The following ADCY6 variants were observed in gnomAD, a reference collection of about 807,000 sequenced individuals.
ADCY6 encodes adenylate cyclase type 6.
A neutral mutation model predicts 111.6 loss-of-function variants in ADCY6; 59 were observed. The ratio of observed to expected loss-of-function variants is 0.53; its 90% confidence interval spans 0.43 to 0.66. The LOEUF (loss-of-function observed/expected upper bound fraction) is 0.66, where lower values mean the gene tolerates loss of function less well. ADCY6 is among the 30% of genes least tolerant of loss of function. The probability of loss-of-function intolerance (pLI) is 0.00; values close to 1 mark genes in which losing one functional copy is unlikely to be tolerated. For synonymous variants in ADCY6, 576 were observed against 642.9 expected (o/e 0.90, Z 1.57); for missense variants, 1,242 against 1,595.6 (o/e 0.78, Z 3.78).
In ADCY6 at chr12:48,771,791, C is replaced by T. The variant is rs779684053; in HGVS notation, c.2970G>A (p.Glu990=). 16 of 1,614,108 alleles carry T rather than the reference C, an allele frequency of 9.9e-6. No homozygotes were observed. Among genetic ancestry groups the T allele is most frequent in the Non-Finnish European group, 1.4e-5 (16 of 1,180,052 alleles). ...TGTTTGCCTCCAGCTCCACATAGAACTCAGAGAAGTTGGCAATGGAGGCAA... is the reference window on the plus strand; with the variant it reads ...TGTTTGCCTCCAGCTCCACATAGAATTCAGAGAAGTTGGCAATGGAGGCAA... ...VMFASIANFS[E]FYVELEANNE... Residue 990 remains glutamate (E), a synonymous_variant, in exon 19 of 22, where the codon GAG becomes GAA. Transcript: ENST00000357869. This position sits in a 1 kb window ranked among gnomAD's most constrained non-coding sequence, Gnocchi z 4.3.
rs753510760 is a variant in ADCY6, at chr12:48,776,040, T to C, written c.1729A>G (p.Met577Val). The C allele has an allele frequency of 8.7e-6, 14 of 1,613,352 alleles. No homozygotes were observed. In the East Asian group the frequency reaches 1.8e-4, roughly 21 times the overall value. The stretch of plus-strand genomic sequence containing the variant: ...ACCCAGCGCGGCATCAGCCCTTCCA[T>C]GGAGTTGGCCCGAGTCCGCTGCAGC... ...AKLQRTRANSMEGLMPRWVPD... is the reference protein window; with the variant it reads ...AKLQRTRANSVEGLMPRWVPD... Residue 577 changes from methionine to valine, a missense_variant, in exon 9 of 22, where the codon ATG (methionine) becomes GTG (valine). By Grantham distance (21) the Met-to-Val change is conservative. Coordinates refer to ENST00000357869, the MANE Select transcript of ADCY6 (RefSeq NM_015270.5). The surrounding 1 kb of genome is among the most constrained non-coding windows in gnomAD (Gnocchi z 6.1).
Position 48,768,399 on chromosome 12 carries a change from C to A in ADCY6, c.*192G>T. 1.3e-6 allele frequency: 1 copy of A among 742,762 alleles called. No homozygotes were observed. The highest frequency in any genetic ancestry group is 2.2e-6 in the Non-Finnish European group (1 of 454,800). The allele number at this position is 742,762 out of a possible 1,614,324, so 46.0% of individuals were successfully genotyped here. ...AAGAAAGTCACTTGCATAATCCTCT[C>A]GGTAGGTAGCCCCTTGTTTTCCAGC... On this transcript the variant is annotated 3_prime_UTR_variant, in exon 22 of 22. Transcript: ENST00000357869.
chr12:48,777,353 G>C lies in ADCY6; in HGVS notation c.1248+57C>G, dbSNP rs1592160708. 6.2e-7 allele frequency: 1 copy of C among 1,606,070 alleles called. No individual in the cohort carries two copies. On this transcript the variant is annotated intron_variant, in intron 5 of 21. Transcript: ENST00000357869. This position sits in a 1 kb window ranked among gnomAD's most constrained non-coding sequence, Gnocchi z 4.9. ...CAAATCCCCAGCTGCTGCCAGCAAAGCTATGCTCTCACCACGGTCAACACC... is the reference window on the plus strand; with the variant it reads ...CAAATCCCCAGCTGCTGCCAGCAAACCTATGCTCTCACCACGGTCAACACC...
intron 14 of ADCY6, 96 bp downstream of exon 14, chr12:48,774,306 G>T: frequency 7.6e-7 from 1 of 1,310,304 alleles, no homozygotes; most frequent in Non-Finnish European, 1.1e-6. Flanking sequence ...GGCTCCCTGA[G>T]GGCAGAAAAT....
chr12:48,773,511 G>C lies in ADCY6; in HGVS notation c.2579C>G (p.Thr860Ser), dbSNP rs1335022797. ...CAGTAGGTCATAGTTGTCAAAGATG[G>C]TGGCTGGGGGACCCAGCAGAAGCAG... Reference protein sequence around the residue: ...LVLLLLGPPATIFDNYDLLLG... With the variant: ...LVLLLLGPPASIFDNYDLLLG... Residue 860 changes from threonine (T) to serine (S), a missense_variant, in exon 16 of 22, where the codon ACC (threonine) becomes AGC (serine). This residue lies in a region of ADCY6 where 375 missense variants were observed against 432.5 expected (regional missense o/e 0.87). Transcript: ENST00000357869. The C allele has an allele frequency of 1.2e-6, 2 of 1,614,124 alleles. No homozygotes were observed.
intron 14 of ADCY6, 132 bp downstream of exon 14, chr12:48,774,270 G>C: frequency 9.1e-7 from 1 of 1,103,914 alleles, no homozygotes; most frequent in Non-Finnish European, 1.3e-6. Context: ...GAGAACCGGA[G>C]TTAACCTTCC....
intron 2 of ADCY6, 110 bp from the exon 3 acceptor site, chr12:48,778,367 C>G: frequency 7.2e-7 from 1 of 1,393,408 alleles, no homozygotes; most frequent in Non-Finnish European, 1.0e-6. Flanking sequence ...AAGCCAGGGT[C>G]CTGCACCCTG....
In ADCY6 at chr12:48,771,652, A is replaced by G. The variant is rs2137337637; in HGVS notation, c.3051+58T>C. 1 of 1,607,844 alleles carries G rather than the reference A, an allele frequency of 6.2e-7. No homozygotes were observed. Among genetic ancestry groups the G allele is most frequent in the East Asian group, 2.2e-5 (1 of 44,844 alleles). On this transcript the variant is annotated intron_variant, in intron 19 of 21. Coordinates refer to ENST00000357869, the MANE Select transcript of ADCY6 (RefSeq NM_015270.5). The surrounding 1 kb of genome is among the most constrained non-coding windows in gnomAD (Gnocchi z 4.3). ...TTCCCAGTTCCACTCACCCATTCCA[A>G]TCCCTGGTCTCCAAGTACCCCCCAC... is the stretch of plus-strand genomic sequence containing the variant.
chr12:48,775,009 C>T lies in ADCY6; in HGVS notation c.2026G>A (p.Ala676Thr), dbSNP rs1027015326. 6.4e-6 allele frequency: 10 copies of T among 1,558,556 alleles called. No homozygotes were observed. The African/African-American group carries it at 1.1e-4, about 17-fold the overall frequency. ...CAGATGAAGCAGAAGACCAACAGGG[C>T]ACAGGCAACGTAGGCTCCGAAGCGG... Reference protein sequence around the residue: ...DPRFGAYVACALLVFCFICFI... With the variant: ...DPRFGAYVACTLLVFCFICFI... Residue 676 changes from alanine (A) to threonine (T), a missense_variant, in exon 12 of 22, where the codon GCC becomes ACC. Ala to Thr is a moderately conservative substitution (Grantham distance 58). Coordinates refer to ENST00000357869, the MANE Select transcript of ADCY6 (RefSeq NM_015270.5).
At chr12:48,773,919 G>C (rs201443621) in intron 15 of ADCY6, 21 bp downstream of exon 15, 1 of 1,611,930 alleles carries the variant, frequency 6.2e-7, no homozygotes, top group Non-Finnish European at 8.5e-7. Flanking sequence ...CCCCCCCACC[G>C]CCTGAGCACT....
Position 48,771,387 on chromosome 12 carries a change from T to C in ADCY6, c.3051+323A>G. 1 of 512,530 alleles carries C rather than the reference T, an allele frequency of 2.0e-6. No individual in the cohort carries two copies. Among genetic ancestry groups the C allele is most frequent in the South Asian group, 2.1e-5 (1 of 48,288 alleles). The allele number at this position is 512,530 out of a possible 1,614,324, so 31.7% of individuals were successfully genotyped here. A position where few individuals can be genotyped will look rare whatever the true frequency, so the allele number is the denominator to read the frequency against. On this transcript the variant is annotated intron_variant, in intron 19 of 21. Transcript: ENST00000357869. The surrounding 1 kb of genome is among the most constrained non-coding windows in gnomAD (Gnocchi z 4.3). ...TCTCTATTCAGAGGACCATCTTGCTTGGTTGGTCTCATGAGGTTCTGTCCA... is the reference window on the plus strand; with the variant it reads ...TCTCTATTCAGAGGACCATCTTGCTCGGTTGGTCTCATGAGGTTCTGTCCA...
rs1208852149 is a variant in ADCY6 at position 48,768,555 on chromosome 12, C to T, written c.*36G>A. On this transcript the variant is annotated 3_prime_UTR_variant, in exon 22 of 22. Transcript: ENST00000357869. ...AGCACAGAGTCCACTCAATGCCCAC[C>T]TTGGTCCCTTCAGCTGAATTTGTGG... 13 of 1,614,012 alleles carry T rather than the reference C, an allele frequency of 8.1e-6. No homozygotes were observed. Among genetic ancestry groups the T allele is most frequent in the Non-Finnish European group, 7.6e-6 (9 of 1,180,000 alleles).
At position 48,783,012 on chromosome 12, in the gene ADCY6, C is replaced by T; in HGVS notation, c.423G>A (p.Gln141=). 2 of 1,613,716 alleles carry T rather than the reference C, an allele frequency of 1.2e-6. No individual in the cohort carries two copies. Among genetic ancestry groups the T allele is most frequent in the Non-Finnish European group, 1.7e-6 (2 of 1,179,906 alleles). Residue 141 remains glutamine, a synonymous_variant, in exon 2 of 22, where the codon CAG becomes CAA. Transcript: ENST00000357869. ...TCTGGTTCATCTGGAAGAAGTACCG[C>T]TGGTACAGGCGCTCCAGCTTGGCCG... ...FRSAKLERLY[Q]RYFFQMNQSS... is the part of the protein sequence containing the mutation.
At chr12:48,786,352 C>A (rs563228257) in intron 1 of ADCY6, among the ~76,000 whole-genome samples, 1 of 152,094 alleles carries the variant, frequency 6.6e-6, no homozygotes, top group Admixed American at 6.6e-5. Context: ...CAGAGCAGCA[C>A]GTCCTTCAAC....
chr12:48,771,172 C>T lies in ADCY6; in HGVS notation c.3052-202G>A, dbSNP rs1341155867. 1.7e-5 allele frequency: 10 copies of T among 595,408 alleles called. No individual in the cohort carries two copies. The highest frequency in any genetic ancestry group is 2.7e-5 in the Non-Finnish European group (9 of 336,274). The allele number at this position is 595,408 out of a possible 1,614,324, so 36.9% of individuals were successfully genotyped here. On this transcript the variant is annotated intron_variant, in intron 19 of 21. Transcript: ENST00000357869. This position sits in a 1 kb window ranked among gnomAD's most constrained non-coding sequence, Gnocchi z 4.3. The stretch of plus-strand genomic sequence containing the variant: ...CTCCAGGCAGGACTTGGGCATACAG[C>T]TTCAGAAGGTCCCTCCAGTAGCTCA...
Position 48,782,799 on chromosome 12 carries a change from G to A in ADCY6, c.636C>T (p.Ser212=), listed in dbSNP as rs3730064. 108,294 of 1,613,820 alleles carry A rather than the reference G, an allele frequency of 0.067. 4,199 individuals carry two copies. The highest frequency in any genetic ancestry group is 0.079 in the Non-Finnish European group (92,982 of 1,179,834). Residue 212 remains serine (S), a synonymous_variant, in exon 2 of 22, where the codon AGC becomes AGT. Coordinates refer to ENST00000357869, the MANE Select transcript of ADCY6 (RefSeq NM_015270.5). This position sits in a 1 kb window ranked among gnomAD's most constrained non-coding sequence, Gnocchi z 4.3. The part of the protein sequence containing the change: ...SFRQDSMWVV[S]YVVLGILAAV... Reference sequence around the variant, plus strand: ...CCGCCAGGATGCCCAGCACCACGTAGCTCACCACCCACATGGAGTCCTGGC... The same window carrying A: ...CCGCCAGGATGCCCAGCACCACGTAACTCACCACCCACATGGAGTCCTGGC...
chr12:48,774,548 G>A (rs757140235), intron 13 of ADCY6, 30 bp from the exon 14 acceptor site: 2 of 1,604,142 alleles, frequency 1.2e-6, no homozygotes, highest in Non-Finnish European at 1.7e-6. Flanking sequence ...AAGAGTTGAA[G>A]GTTGTATCAG....
intron 15 of ADCY6, 142 bp from the exon 16 acceptor site, chr12:48,773,789 C>T: frequency 4.2e-6 from 6 of 1,431,952 alleles, no homozygotes; most frequent in Non-Finnish European, 5.8e-6. Flanking sequence ...CCATGCCCAG[C>T]CCCTACAACA....
intron 1 of ADCY6, among the ~76,000 whole-genome samples, chr12:48,786,083 G>A (rs1178811380): frequency 3.3e-5 from 5 of 152,176 alleles, no homozygotes; most frequent in Non-Finnish European, 5.9e-5. Flanking sequence ...AGAGTACCCT[G>A]AGGGGTCCCT....
Sources: gnomAD v4.1 joint callset for allele counts (sites outside exome capture counted in the v4.1 genomes callset) on GRCh38, gnomAD v4.1.1 for gene constraint, gnomAD v4.1.1 regional missense constraint, Gnocchi (gnomAD v3.1) non-coding constraint, MANE v1.5 for transcripts, NCBI Gene and HGNC (gene_info 2026-07-23, HGNC 2026-07-21) for gene names.